Variants in MACROD2 observed in about 807,000 individuals in gnomAD.
MACROD2 encodes the protein ADP-ribose glycohydrolase MACROD2.
A neutral mutation model predicts 70.4 loss-of-function variants in MACROD2; 36 were observed. The ratio of observed to expected loss-of-function variants is 0.51; its 90% confidence interval spans 0.39 to 0.68. MACROD2 has a LOEUF of 0.68. Among genes scored for constraint, MACROD2 ranks in the 30% least tolerant of loss-of-function variants. The pLI, the probability that MACROD2 is intolerant of heterozygous loss-of-function variation, is 0.00. For synonymous variants in MACROD2, 172 were observed against 178.8 expected, an observed-to-expected ratio of 0.96 and a Z score of 0.30; for missense variants, 496 against 538.4, an observed-to-expected ratio of 0.92 and a Z score of 0.78.
chr20:15,086,044 C>A (rs2075746440), intron 5 of MACROD2, among the ~76,000 whole-genome samples: 1 of 152,024 alleles, frequency 6.6e-6, no homozygotes, highest in Non-Finnish European at 1.5e-5. Flanking sequence ...GAATTAGAAC[C>A]TCGCTCTGGT....
intron 5 of MACROD2, among the ~76,000 whole-genome samples, chr20:15,145,760 A>G (rs779492023): frequency 6.1e-4 from 93 of 152,210 alleles, no homozygotes; most frequent in Non-Finnish European, 9.1e-4. Flanking sequence ...ATTTAAAAAA[A>G]TTTTATATAA....
chr20:14,151,829 T>G (rs2055026920), intron 3 of MACROD2, among the ~76,000 whole-genome samples: 1 of 136,880 alleles, frequency 7.3e-6, no homozygotes, highest in Non-Finnish European at 1.6e-5. Flanking sequence ...TTTTTTTTTT[T>G]TTTTTTTTTT....
intron 6 of MACROD2, among the ~76,000 whole-genome samples, chr20:15,419,920 C>T (rs979127330): frequency 6.6e-6 from 1 of 152,178 alleles, no homozygotes; most frequent in Admixed American, 6.5e-5. Context: ...AACTGATTTG[C>T]CGTTAATATG....
intron 8 of MACROD2, among the ~76,000 whole-genome samples, chr20:15,735,104 G>A (rs970633658): frequency 3.3e-5 from 5 of 152,036 alleles, no homozygotes; most frequent in Admixed American, 2.0e-4. Context: ...GCGATTACAG[G>A]TGCATGCCAC....
intron 3 of MACROD2, among the ~76,000 whole-genome samples, chr20:14,293,490 A>G (rs1236842656): frequency 6.6e-6 from 1 of 151,770 alleles, no homozygotes; most frequent in African/African-American, 2.4e-5. Flanking sequence ...GGAGTTAGCC[A>G]TGTGAAGATC....
At chr20:15,286,983 C>T (rs2077497873) in intron 6 of MACROD2, among the ~76,000 whole-genome samples, 1 of 152,146 alleles carries the variant, frequency 6.6e-6, no homozygotes, top group African/African-American at 2.4e-5. Context: ...AGACGCTACA[C>T]TGCATTTCCC....
intron 3 of MACROD2, among the ~76,000 whole-genome samples, chr20:14,201,901 T>G (rs2081483177): frequency 6.6e-6 from 1 of 151,622 alleles, no homozygotes; most frequent in Admixed American, 6.6e-5. Flanking sequence ...GGGATGGATA[T>G]ATATATATGC....
At chr20:15,590,799 G>GGA (rs1294865542) in intron 8 of MACROD2, among the ~76,000 whole-genome samples, 1 of 151,856 alleles carries the variant, frequency 6.6e-6, no homozygotes, top group Non-Finnish European at 1.5e-5. Flanking sequence ...CTTGAACCTG[G>GGA]GAGGCAGAGG....
At chr20:14,679,719 A>G (rs753603674) in intron 4 of MACROD2, among the ~76,000 whole-genome samples, 2 of 140,540 alleles carry the variant, frequency 1.4e-5, no homozygotes, top group African/African-American at 2.8e-5. Flanking sequence ...TGATATTACC[A>G]TTGCCCTTTT....
intron 8 of MACROD2, among the ~76,000 whole-genome samples, chr20:15,569,408 C>A (rs1023487925): frequency 2.0e-5 from 3 of 152,090 alleles, no homozygotes; most frequent in Non-Finnish European, 2.9e-5. Flanking sequence ...GAACACATAA[C>A]TTTAATTCTT....
chr20:15,574,052 T>C (rs529075349), intron 8 of MACROD2, among the ~76,000 whole-genome samples: 10 of 152,254 alleles, frequency 6.6e-5, no homozygotes, highest in East Asian at 5.8e-4. Context: ...AAGTACACTT[T>C]TTCTGCGGGT....
chr20:15,575,661 C>T (rs544857141), intron 8 of MACROD2, among the ~76,000 whole-genome samples: 2 of 152,248 alleles, frequency 1.3e-5, no homozygotes, highest in African/African-American at 4.8e-5. Flanking sequence ...ATAGGGTAGA[C>T]TTTGAAATGA....
chr20:14,887,474 C>T (rs558383289), intron 5 of MACROD2, among the ~76,000 whole-genome samples: 84 of 151,086 alleles, frequency 5.6e-4, no homozygotes, highest in African/African-American at 1.9e-3. Context: ...CTCAGTGCAA[C>T]CTCTGCCTCT....
chr20:14,922,122 T>C (rs2074171538), intron 5 of MACROD2, among the ~76,000 whole-genome samples: 1 of 152,200 alleles, frequency 6.6e-6, no homozygotes, highest in Non-Finnish European at 1.5e-5. Context: ...ATCTCCCATC[T>C]TTCCTAATCT....
chr20:14,570,877 A>ATT (rs11480995), intron 4 of MACROD2, among the ~76,000 whole-genome samples: 6 of 151,346 alleles, frequency 4.0e-5, no homozygotes, highest in African/African-American at 1.5e-4. Context: ...GAATTATGTG[A>ATT]TTTTTTTTTA....
rs961489682 is a variant in MACROD2 at position 15,525,322 on chromosome 20, C to A, written c.645+25475C>A. 4.6e-5 allele frequency among the ~76,000 whole-genome samples: 7 copies of A among 152,174 alleles called. No individual in the cohort carries two copies. The South Asian group carries it at 1.4e-3, about 31-fold the overall frequency. On this transcript the variant is annotated intron_variant, in intron 8 of 17. Coordinates refer to ENST00000684519, the MANE Select transcript of MACROD2 (RefSeq NM_001351661.2). ...AGGGATCATGTGCTTGCCATTTTTT[C>A]TTCGGTTCCCTACAGAGTTCCTGGC...
At chr20:14,212,609 T>C (rs554480410) in intron 3 of MACROD2, among the ~76,000 whole-genome samples, 1 of 152,054 alleles carries the variant, frequency 6.6e-6, no homozygotes. Context: ...GTGGAAAGAA[T>C]GTAGAATTTG....
chr20:14,791,657 T>C (rs955054490), intron 5 of MACROD2, among the ~76,000 whole-genome samples: 1 of 152,062 alleles, frequency 6.6e-6, no homozygotes, highest in Non-Finnish European at 1.5e-5. Context: ...ATTATTTCCA[T>C]GATCCCCTCA....
chr20:15,093,627 T>C (rs1339826581), intron 5 of MACROD2, among the ~76,000 whole-genome samples: 1 of 152,166 alleles, frequency 6.6e-6, no homozygotes. Context: ...ACCTCACTAA[T>C]TTTGAGGAAC....
Sources: allele counts gnomAD v4.1 joint callset (sites outside exome capture counted in the v4.1 genomes callset), GRCh38; gene constraint gnomAD v4.1.1; transcripts MANE v1.5; gene names NCBI Gene and HGNC (gene_info 2026-07-23, HGNC 2026-07-21).